The following CIMIP2C variants were observed in gnomAD, a reference collection of about 807,000 sequenced individuals.
CIMIP2C encodes the protein ciliary microtubule inner protein 2C, also known as UPF0573 protein C2orf70.
chr2:26,562,782 A>C, the CIMIP2C span: 9 of 1,042,452 alleles, frequency 8.6e-6, no homozygotes, highest in Admixed American at 2.1e-5. Context: ...TTGGGGTTGA[A>C]GGAACCCCGA....
the CIMIP2C span, among the ~76,000 whole-genome samples, chr2:26,573,401 G>A: frequency 2.0e-5 from 3 of 152,350 alleles, no homozygotes; most frequent in East Asian, 3.9e-4. Context: ...AGGCAGAGGG[G>A]AAGAGGCCGA....
At chr2:26,575,866 G>T in the CIMIP2C span, 1 of 1,601,290 alleles carries the variant, frequency 6.2e-7, no homozygotes, top group Non-Finnish European at 8.5e-7. Context: ...GCCCTTCACT[G>T]ATCTGTGGCT....
the CIMIP2C span, chr2:26,579,508 A>G: frequency 3.8e-6 from 6 of 1,563,042 alleles, no homozygotes; most frequent in Admixed American, 1.9e-5. Flanking sequence ...TGCTTGGAAT[A>G]AAATCTTTAG....
At chr2:26,577,615 CT>C in the CIMIP2C span, 2 of 1,613,762 alleles carry the variant, frequency 1.2e-6, no homozygotes, top group Non-Finnish European at 1.7e-6. Context: ...ACGGTACCCC[CT>C]CCCCACCGTC....
the CIMIP2C span, chr2:26,579,521 A>G: frequency 2.0e-6 from 3 of 1,501,398 alleles, no homozygotes; most frequent in Non-Finnish European, 2.7e-6. Flanking sequence ...ATCTTTAGCC[A>G]TGACCATGCT....
chr2:26,572,445 G>A, the CIMIP2C span, among the ~76,000 whole-genome samples: 1 of 151,346 alleles, frequency 6.6e-6, no homozygotes, highest in Non-Finnish European at 1.5e-5. Flanking sequence ...TTTAGTTGCT[G>A]AGCCCTTTCA....
chr2:26,579,302 T>A, the CIMIP2C span: 12 of 1,613,898 alleles, frequency 7.4e-6, no homozygotes, highest in African/African-American at 1.3e-5. Context: ...AGGCCTCCTC[T>A]GTGCCCAAAG....
the CIMIP2C span, among the ~76,000 whole-genome samples, chr2:26,568,650 G>A: frequency 2.0e-5 from 3 of 152,192 alleles, no homozygotes; most frequent in Non-Finnish European, 4.4e-5. Context: ...ATGCCAGTAT[G>A]AGTACAACAG....
At chr2:26,570,130 G>T in the CIMIP2C span, among the ~76,000 whole-genome samples, 1 of 152,242 alleles carries the variant, frequency 6.6e-6, no homozygotes, top group East Asian at 1.9e-4. Flanking sequence ...GGATTGCGGA[G>T]GAGAGGGCTT....
chr2:26,573,071 A>G, the CIMIP2C span, among the ~76,000 whole-genome samples: 2 of 152,256 alleles, frequency 1.3e-5, no homozygotes, highest in Admixed American at 1.3e-4. Flanking sequence ...GCAGCGGGAC[A>G]GTGTGAGCCG....
the CIMIP2C span, chr2:26,575,997 T>C: frequency 2.5e-6 from 4 of 1,614,042 alleles, no homozygotes; most frequent in East Asian, 2.2e-5. Flanking sequence ...AACAGAGCCA[T>C]GGAGAAGAGC....
chr2:26,565,330 A>T, the CIMIP2C span, among the ~76,000 whole-genome samples: 1 of 152,098 alleles, frequency 6.6e-6, no homozygotes, highest in Admixed American at 6.5e-5. Flanking sequence ...ACCTCAGATG[A>T]TCAACCCGCC....
At chr2:26,579,487 C>A in the CIMIP2C span, 1 of 1,595,860 alleles carries the variant, frequency 6.3e-7, no homozygotes. Context: ...TGGGTCGTGA[C>A]CAGCCTGGCT....
the CIMIP2C span, among the ~76,000 whole-genome samples, chr2:26,576,560 A>C: frequency 1.3e-5 from 2 of 152,114 alleles, no homozygotes; most frequent in African/African-American, 4.8e-5. Context: ...AGATCCACCC[A>C]CCAGATGAAT....
At chr2:26,562,793 G>GGAGCCAAT in the CIMIP2C span, 8 of 984,514 alleles carry the variant, frequency 8.1e-6, no homozygotes, top group African/African-American at 9.9e-5. Flanking sequence ...GGAACCCCGA[G>GGAGCCAAT]GAGCCAATTT....
At chr2:26,566,719 G>A in the CIMIP2C span, among the ~76,000 whole-genome samples, 1 of 152,090 alleles carries the variant, frequency 6.6e-6, no homozygotes, top group Admixed American at 6.6e-5. Flanking sequence ...TTTGGTTTTA[G>A]TGTGTTTTTC....
the CIMIP2C span, chr2:26,572,027 C>T: frequency 7.3e-7 from 1 of 1,360,870 alleles, no homozygotes; most frequent in Non-Finnish European, 9.8e-7. Flanking sequence ...AAAAAGATCC[C>T]ACTATAGGAG....
the CIMIP2C span, among the ~76,000 whole-genome samples, chr2:26,572,890 C>T: frequency 1.3e-5 from 2 of 152,214 alleles, no homozygotes; most frequent in South Asian, 4.2e-4. Flanking sequence ...TGGGAGGAGC[C>T]CTCAGGATAG....
the CIMIP2C span, chr2:26,562,756 C>G: frequency 1.5e-5 from 20 of 1,335,512 alleles, no homozygotes; most frequent in South Asian, 1.5e-4. Flanking sequence ...GAAATTCAGC[C>G]CCCTGCCCCC....
Sources: allele counts gnomAD v4.1 joint callset (sites outside exome capture counted in the v4.1 genomes callset), GRCh38; gene constraint gnomAD v4.1.1; transcripts MANE v1.5; gene names NCBI Gene and HGNC (gene_info 2026-07-23, HGNC 2026-07-21).